RP1: variants seen among roughly 807,000 people sequenced by gnomAD.
RP1 encodes oxygen-regulated protein 1.
Under a neutral mutation model 14.8 loss-of-function variants are expected in RP1, and 16 were observed. That is an observed-to-expected ratio of 1.08 (90% confidence interval 0.73 to 1.65). The LOEUF (loss-of-function observed/expected upper bound fraction) is 1.65, where lower values mean the gene tolerates loss of function less well. RP1 is among the 40% of genes most tolerant of loss of function. The probability of loss-of-function intolerance (pLI) is 0.00; values close to 1 mark genes in which losing one functional copy is unlikely to be tolerated. For missense variants in RP1, 2,631 were observed against 2,535.0 expected (o/e 1.04, Z -0.81); for synonymous variants, 876 against 883.6 (o/e 0.99, Z 0.15).
In RP1 at chr8:54,706,697, A is replaced by T. The variant is rs16920655; in HGVS notation, c.2211+42A>T. On this transcript the variant is annotated intron_variant, in intron 15 of 22. Coordinates refer to the RP1 transcript ENST00000636932. ...GTTTCTCTCAGCAAATGTTTAAGAC[A>T]TTTGCCAGTTGTAGACATGAGAATA... The T allele has an allele frequency of 2.1e-3, 3,206 of 1,529,086 alleles. 71 individuals carry two copies. The Admixed American group carries it at 0.038, about 18-fold the overall frequency. The allele number at this position is 1,529,086 out of a possible 1,614,324, so 94.7% of individuals were successfully genotyped here.
chr8:54,761,344 C>T (rs367987251), intron 22 of RP1, among the ~76,000 whole-genome samples: 2 of 147,500 alleles, frequency 1.4e-5, no homozygotes, highest in Non-Finnish European at 3.0e-5. Context: ...TGAAGCAATT[C>T]TCCTGCCTCA....
chr8:54,772,382 T>C (rs1344899922), downstream of RP1, among the ~76,000 whole-genome samples: 2 of 152,064 alleles, frequency 1.3e-5, no homozygotes, highest in East Asian at 3.8e-4. Flanking sequence ...AAGTTTAAAT[T>C]CTAGTTCTAG....
intron 5 of RP1, among the ~76,000 whole-genome samples, chr8:54,654,485 G>T (rs890342986): frequency 6.6e-6 from 1 of 152,138 alleles, no homozygotes; most frequent in African/African-American, 2.4e-5. Flanking sequence ...AGTCTTGGCA[G>T]TAATAACCTT....
At position 54,585,958 on chromosome 8, in the gene RP1, C is replaced by T. The variant is rs144168838; in HGVS notation, c.-13+26638C>T. Among the ~76,000 whole-genome samples, 1,376 of 152,282 alleles carry T rather than the reference C, an allele frequency of 9.0e-3. 7 individuals carry two copies. The highest frequency in any genetic ancestry group is 0.014 in the Admixed American group (219 of 15,294). On this transcript the variant is annotated intron_variant, in intron 1 of 22. Transcript: ENST00000636932. ...TGGGTTCGAACTTCCTCCTTTAGCT[C>T]GGAGTAGTTTGATCGTCTGAAGCCT...
At chr8:54,699,336 C>A (rs1404763762) in intron 12 of RP1, 3 of 400,960 alleles carry the variant, frequency 7.5e-6, no homozygotes, top group Admixed American at 4.3e-5. Context: ...TGTGGAGATG[C>A]ATTTTACCTT....
chr8:54,661,270 A>C (rs1806887691), intron 6 of RP1, among the ~76,000 whole-genome samples: 1 of 136,394 alleles, frequency 7.3e-6, no homozygotes. Flanking sequence ...GATATATATA[A>C]ATGATATATA....
At position 54,812,811 on chromosome 8, in the gene RP1, C is replaced by CTA. The variant is rs1563383947; in HGVS notation, c.3616-24638_3616-24637insAT. ...TATCTATCTATCTATCTATCTATCT[C>CTA]TCCGTCTTCTATCATTTATCTATTG... is the stretch of plus-strand genomic sequence containing the variant. On this transcript the variant is annotated intron_variant, in intron 24 of 28. Transcript: ENST00000637698. Among the ~76,000 whole-genome samples the CTA allele has an allele frequency of 2.2e-3, 247 of 113,432 alleles. 1 individual carries two copies. Among genetic ancestry groups the CTA allele is most frequent in the African/African-American group, 7.6e-3 (234 of 30,714 alleles). The allele number at this position is 113,432 out of a possible 152,430, so 74.4% of individuals were successfully genotyped here. A position where few individuals can be genotyped will look rare whatever the true frequency, so the allele number is the denominator to read the frequency against.
intron 19 of RP1, among the ~76,000 whole-genome samples, chr8:54,747,426 T>A (rs1809253565): frequency 6.6e-6 from 1 of 152,240 alleles, no homozygotes; most frequent in Admixed American, 6.5e-5. Flanking sequence ...ATCTGATATT[T>A]TATATTTGTT....
rs148663385 is a variant in RP1, at chr8:54,625,412, A to G, written c.1530A>G (p.Ser510=). 3.9e-5 allele frequency: 63 copies of G among 1,614,044 alleles called. No individual in the cohort carries two copies. The African/African-American group carries it at 7.3e-4, about 19-fold the overall frequency. The change falls in exon 4 of 4, where the codon TCA becomes TCG. Residue 510 remains serine, a synonymous_variant. Coordinates refer to ENST00000220676, the MANE Select transcript of RP1 (RefSeq NM_006269.2). ...MFTHSCSKMS[S]VSNKPVLVQI... The stretch of plus-strand genomic sequence containing the variant: ...CACATTCTTGCAGTAAAATGTCATC[A>G]GTATCTAACAAACCAGTACTTGTTC...
intron 17 of RP1, among the ~76,000 whole-genome samples, chr8:54,731,657 A>G (rs1299975025): frequency 6.6e-6 from 1 of 152,152 alleles, no homozygotes; most frequent in Non-Finnish European, 1.5e-5. Context: ...ATTTTTGTGC[A>G]AATGATGCAA....
At chr8:54,863,042 T>G (rs1176127136) in intron 27 of RP1, among the ~76,000 whole-genome samples, 1 of 110,038 alleles carries the variant, frequency 9.1e-6, no homozygotes, top group East Asian at 2.8e-4. Context: ...GTATTCCAAA[T>G]GGATATATAT....
At chr8:54,732,990 A>G (rs1808828729) in intron 17 of RP1, among the ~76,000 whole-genome samples, 1 of 152,138 alleles carries the variant, frequency 6.6e-6, no homozygotes, top group Admixed American at 6.6e-5. Flanking sequence ...ACAGCACCTC[A>G]CAGGAGTAGT....
intron 3 of RP1, among the ~76,000 whole-genome samples, chr8:54,637,222 T>A (rs947938541): frequency 4.6e-5 from 7 of 152,188 alleles, no homozygotes; most frequent in African/African-American, 1.4e-4. Flanking sequence ...TCAAAGTATG[T>A]AGAGTGCTAT....
rs144893884 is a variant in RP1, at chr8:54,863,286, C to G, written c.4070-2549C>G. On this transcript the variant is annotated intron_variant, in intron 27 of 28. Transcript: ENST00000637698. Reference sequence around the variant, plus strand: ...TGACAGTTGCCTACAGTATTTAGTACAGTAACACGCTGAACAGGTTATAGC... The same window carrying G: ...TGACAGTTGCCTACAGTATTTAGTAGAGTAACACGCTGAACAGGTTATAGC... Among the ~76,000 whole-genome samples, 114 of 152,102 alleles carry G rather than the reference C, an allele frequency of 7.5e-4. 1 individual carries two copies. The highest frequency in any genetic ancestry group is 3.4e-3 in the Middle Eastern group (1 of 294).
rs999547745 is a variant in RP1, at chr8:54,857,061, G to A, written c.4024G>A (p.Gly1342Arg). ...TTTTTCCATTAAGGCTGTATCTCTC[G>A]GAAAATTGAAGAAAGTTCTGATTAG... is the stretch of plus-strand genomic sequence containing the variant. The change falls in exon 27 of 29, where the codon GGA becomes AGA. Residue 1342 changes from glycine (G) to arginine (R), a missense_variant. Coordinates refer to the RP1 transcript ENST00000637698. 22 of 1,217,310 alleles carry A rather than the reference G, an allele frequency of 1.8e-5. No homozygotes were observed. In the South Asian group the frequency reaches 4.6e-4, roughly 25 times the overall value. The allele number at this position is 1,217,310 out of a possible 1,614,324, so 75.4% of individuals were successfully genotyped here.
At chr8:54,769,057 A>G (rs13270896) in intron 22 of RP1, among the ~76,000 whole-genome samples, 20 of 151,770 alleles carry the variant, frequency 1.3e-4, no homozygotes, top group South Asian at 8.3e-4. Context: ...CACCACGCCC[A>G]GCTAATTTTT....
chr8:54,581,375 T>C (rs547837127), intron 1 of RP1, among the ~76,000 whole-genome samples: 3 of 152,354 alleles, frequency 2.0e-5, no homozygotes, highest in African/African-American at 7.2e-5. Context: ...ATGGTGTATA[T>C]GTGCCACATT....
chr8:54,658,529 C>T (rs1349001324), intron 6 of RP1, among the ~76,000 whole-genome samples: 3 of 120,352 alleles, frequency 2.5e-5, no homozygotes, highest in African/African-American at 9.8e-5. Flanking sequence ...CCAGCCTGGG[C>T]GACAGAGCGA....
At chr8:54,674,005 A>T in intron 8 of RP1, 1 of 1,155,152 alleles carries the variant, frequency 8.7e-7, no homozygotes, top group Non-Finnish European at 1.2e-6. Context: ...AATCTAGAAA[A>T]TACTGTGGAA....
Sources: gnomAD v4.1 joint callset for allele counts (sites outside exome capture counted in the v4.1 genomes callset) on GRCh38, gnomAD v4.1.1 for gene constraint, MANE v1.5 for transcripts, NCBI Gene and HGNC (gene_info 2026-07-23, HGNC 2026-07-21) for gene names.